The following CXorf66 variants were observed in gnomAD, a reference collection of about 807,000 sequenced individuals.
CXorf66 encodes chromosome X open reading frame 66, also known as uncharacterized protein CXorf66.
A neutral mutation model predicts 5.0 loss-of-function variants in CXorf66; 6 were observed. That is an observed-to-expected ratio of 1.20 (90% CI 0.65 to 2.36). The LOEUF (loss-of-function observed/expected upper bound fraction) is 2.36, where lower values mean the gene tolerates loss of function less well. CXorf66 is among the 30% of genes most tolerant of loss of function. The pLI is 0.00. For synonymous variants in CXorf66, 98 were observed against 102.8 expected (o/e 0.95, Z 0.28); for missense variants, 270 against 254.9 (o/e 1.06, Z -0.40).
chrX:139,965,289 A>C, intron 1 of CXorf66, 120 bp downstream of exon 1: 1 of 496,996 alleles, frequency 2.0e-6, no homozygotes, highest in Non-Finnish European at 3.5e-6. Flanking sequence ...AAGACCTACT[A>C]ATGTTAACAC....
At chrX:139,960,649 G>A (rs2085590282) in intron 1 of CXorf66, among the ~76,000 whole-genome samples, 3 of 111,129 alleles carry the variant, frequency 2.7e-5, no homozygotes, top group South Asian at 3.8e-4. Context: ...AGGTTGAAAC[G>A]AAGGAAAAAA....
At chrX:139,956,877 A>C in intron 2 of CXorf66, 138 bp from the exon 3 acceptor site, 2 of 613,655 alleles carry the variant, frequency 3.3e-6, no homozygotes, top group Non-Finnish European at 5.0e-6. Flanking sequence ...TAAGAATCGG[A>C]GTGTGACGGC....
intron 1 of CXorf66, 132 bp downstream of exon 1, chrX:139,965,277 T>G: frequency 2.1e-6 from 1 of 479,559 alleles, no homozygotes; most frequent in Non-Finnish European, 3.6e-6. Flanking sequence ...TAGAAATTCT[T>G]GAAGACCTAC....
At chrX:139,960,858 C>G (rs759131631) in intron 1 of CXorf66, among the ~76,000 whole-genome samples, 1 of 111,442 alleles carries the variant, frequency 9.0e-6, no homozygotes, top group East Asian at 2.8e-4. Context: ...GAAATAAAAT[C>G]CTTTCCAGAC....
intron 2 of CXorf66, among the ~76,000 whole-genome samples, chrX:139,957,134 T>C (rs1322600466): frequency 3.6e-5 from 4 of 111,549 alleles, no homozygotes; most frequent in Admixed American, 2.9e-4. Flanking sequence ...GCCATTGCAC[T>C]CCAGCCTGGG....
chrX:139,961,035 T>C (rs2085591545), intron 1 of CXorf66, among the ~76,000 whole-genome samples: 2 of 111,416 alleles, frequency 1.8e-5, no homozygotes, highest in South Asian at 7.5e-4. Flanking sequence ...ATGTGCAAAA[T>C]AACCAACTAG....
intron 1 of CXorf66, among the ~76,000 whole-genome samples, chrX:139,964,445 C>T (rs904244207): frequency 4.5e-5 from 5 of 111,392 alleles, no homozygotes; most frequent in African/African-American, 6.5e-5. Flanking sequence ...GAAATAGGAA[C>T]GCTTTTACAC....
rs1172655557 is a variant in CXorf66 at position 139,955,786 on chromosome X, G to A, written c.*110C>T. 3 of 667,862 alleles carry A rather than the reference G, an allele frequency of 4.5e-6. No individual in the cohort carries two copies. Among genetic ancestry groups the A allele is most frequent in the Admixed American group, 8.1e-5 (2 of 24,584 alleles). The allele number at this position is 667,862 out of a possible 1,213,427, so 55.0% of individuals were successfully genotyped here. A position where few individuals can be genotyped will look rare whatever the true frequency, so the allele number is the denominator to read the frequency against. ...TAAATCGCCTCCAAGACAGATATGG[G>A]TGATCTTGATAGTGATTTTTCCCTC... On this transcript the variant is annotated 3_prime_UTR_variant, in exon 3 of 3. Coordinates refer to ENST00000370540, the MANE Select transcript of CXorf66 (RefSeq NM_001013403.3).
intron 1 of CXorf66, 87 bp downstream of exon 1, chrX:139,965,322 C>A: frequency 1.6e-6 from 1 of 637,244 alleles, no homozygotes; most frequent in South Asian, 3.2e-5. Flanking sequence ...CAGCAGATTT[C>A]TTAAATACAG....
At position 139,955,895 on chromosome X, in the gene CXorf66, C is replaced by T. The variant is rs1899933052; in HGVS notation, c.*1G>A. ...ACTTGGATTTTATTTTTGTTGAGCTCCTAATCATTTAGGGTTACTTCAGAG... is the reference window on the plus strand; with the variant it reads ...ACTTGGATTTTATTTTTGTTGAGCTTCTAATCATTTAGGGTTACTTCAGAG... On this transcript the variant is annotated 3_prime_UTR_variant, in exon 3 of 3. Coordinates refer to ENST00000370540, the MANE Select transcript of CXorf66 (RefSeq NM_001013403.3). 7.7e-6 allele frequency: 9 copies of T among 1,173,285 alleles called. No homozygotes were observed. The highest frequency in any genetic ancestry group is 1.0e-5 in the Non-Finnish European group (9 of 878,132).
intron 1 of CXorf66, among the ~76,000 whole-genome samples, chrX:139,960,755 A>G (rs1419614498): frequency 2.7e-5 from 3 of 111,952 alleles, no homozygotes; most frequent in African/African-American, 9.7e-5. Flanking sequence ...ACAAGCCAGA[A>G]GAGAGTGGGG....
At chrX:139,958,035 C>T in intron 2 of CXorf66, 29 bp downstream of exon 2, 1 of 1,167,646 alleles carries the variant, frequency 8.6e-7, no homozygotes, top group East Asian at 3.0e-5. Context: ...ACACACCTCG[C>T]ACTCTTAATT....
rs1040768401 is a variant in CXorf66 at position 139,965,468 on chromosome X, A to T, written c.29T>A (p.Leu10Ter). 19 of 1,207,432 alleles carry T rather than the reference A, an allele frequency of 1.6e-5. No homozygotes were observed. Among genetic ancestry groups the T allele is most frequent in the Non-Finnish European group, 1.7e-5 (15 of 892,618 alleles). Reference sequence around the variant, plus strand: ...CATGCAATTATTTTTCCAAATGGACAAAAGTAGGACACAAATAACAAGATT... The same window carrying T: ...CATGCAATTATTTTTCCAAATGGACTAAAGTAGGACACAAATAACAAGATT... MNLVICVLL[L>*]SIWKNNCMTT... Residue 10 changes from leucine to a stop codon, truncating the protein, a stop_gained, in exon 1 of 3, where the codon TTG (leucine) becomes TAG (stop). Transcript: ENST00000370540. LOFTEE classifies it high-confidence loss of function.
At chrX:139,958,532 G>A (rs191542461) in intron 1 of CXorf66, among the ~76,000 whole-genome samples, 8 of 111,382 alleles carry the variant, frequency 7.2e-5, no homozygotes, top group Admixed American at 3.8e-4. Flanking sequence ...GTTAACGTGT[G>A]TGTGAATGTG....
chrX:139,961,250 T>C (rs1471254096), intron 1 of CXorf66, among the ~76,000 whole-genome samples: 1 of 111,219 alleles, frequency 9.0e-6, no homozygotes, highest in Non-Finnish European at 1.9e-5. Flanking sequence ...ACCAAGTGAA[T>C]GGAAAGCCAA....
chrX:139,955,849 G>C lies in CXorf66; in HGVS notation c.*47C>G. 9.0e-7 allele frequency: 1 copy of C among 1,112,776 alleles called. No individual in the cohort carries two copies. Among genetic ancestry groups the C allele is most frequent in the Non-Finnish European group, 1.2e-6 (1 of 838,924 alleles). The allele number at this position is 1,112,776 out of a possible 1,213,427, so 91.7% of individuals were successfully genotyped here. ...AAGGGATGATGAGCATAAAATAGTT[G>C]GTATAAGTTTGCTCTTTCACACTTG... On this transcript the variant is annotated 3_prime_UTR_variant, in exon 3 of 3. Transcript: ENST00000370540.
At position 139,965,447 on chromosome X, in the gene CXorf66, C is replaced by A. The variant is rs748480779; in HGVS notation, c.50G>T (p.Cys17Phe). 8.3e-7 allele frequency: 1 copy of A among 1,208,617 alleles called. No homozygotes were observed. The highest frequency in any genetic ancestry group is 1.1e-6 in the Non-Finnish European group (1 of 893,866). The change falls in exon 1 of 3, where the codon TGC becomes TTC. Residue 17 changes from cysteine (C) to phenylalanine (F), a missense_variant. Cys to Phe is a radical substitution (Grantham distance 205, BLOSUM62 -2). Coordinates refer to ENST00000370540, the MANE Select transcript of CXorf66 (RefSeq NM_001013403.3). The stretch of plus-strand genomic sequence containing the variant: ...TCCATTGGTTTGGTTTGTAGTCATG[C>A]AATTATTTTTCCAAATGGACAAAAG... ...VLLLSIWKNN[C>F]MTTNQTNGSS...
rs752471296 is a variant in CXorf66 at position 139,958,112 on chromosome X, C to G, written c.194G>C (p.Cys65Ser). 1.8e-5 allele frequency: 22 copies of G among 1,205,445 alleles called. No homozygotes were observed. Among genetic ancestry groups the G allele is most frequent in the Non-Finnish European group, 2.4e-5 (21 of 892,881 alleles). ...IIMVFVFICF[C>S]YLHYNCLSDD... ...GCTCAGACAATTATAATGGAGATAA[C>G]AAAAACAGATAAAGACAAAAACCAT... Residue 65 changes from cysteine (C) to serine (S), a missense_variant, in exon 2 of 3, where the codon TGT becomes TCT. Coordinates refer to ENST00000370540, the MANE Select transcript of CXorf66 (RefSeq NM_001013403.3).
chrX:139,965,299 CT>C (rs942466572), intron 1 of CXorf66, 109 bp downstream of exon 1: 2 of 540,125 alleles, frequency 3.7e-6, no homozygotes, highest in African/African-American at 4.7e-5. Context: ...AATGTTAACA[CT>C]GCTAAAAGTA....
Sources: gnomAD v4.1 joint callset for allele counts (sites outside exome capture counted in the v4.1 genomes callset) on GRCh38, gnomAD v4.1.1 for gene constraint, MANE v1.5 for transcripts, NCBI Gene and HGNC (gene_info 2026-07-23, HGNC 2026-07-21) for gene names.